Variants in EYS observed in about 807,000 individuals in gnomAD.
EYS encodes the protein protein eyes shut homolog.
Under a neutral mutation model 282.1 loss-of-function variants are expected in EYS, and 250 were observed. The observed-to-expected ratio is 0.89, with a 90% CI of 0.80 to 0.98. The LOEUF (loss-of-function observed/expected upper bound fraction) is 0.98. EYS is among the 50% of genes least tolerant of loss of function. The pLI is 0.00. For missense variants in EYS, 4,016 were observed against 3,709.0 expected, an observed-to-expected ratio of 1.08 and a Z score of -2.15; for synonymous variants, 1,355 against 1,282.9, an observed-to-expected ratio of 1.06 and a Z score of -1.20.
chr6:64,187,926 T>C (rs1162127193), intron 31 of EYS, among the ~76,000 whole-genome samples: 1 of 152,082 alleles, frequency 6.6e-6, no homozygotes, highest in Non-Finnish European at 1.5e-5. Context: ...GGAGTTAGCA[T>C]CTTCAAAATT....
intron 24 of EYS, among the ~76,000 whole-genome samples, chr6:64,604,025 A>G (rs987143834): frequency 6.6e-5 from 10 of 151,806 alleles, no homozygotes; most frequent in African/African-American, 2.4e-4. Flanking sequence ...CATTCCCCTA[A>G]TCTGCATTAT....
chr6:65,515,854 A>G (rs1018884460), intron 2 of EYS, among the ~76,000 whole-genome samples: 5 of 150,850 alleles, frequency 3.3e-5, no homozygotes, highest in African/African-American at 1.2e-4. Flanking sequence ...TGACGAGTTA[A>G]CGGGTGCAGC....
intron 12 of EYS, among the ~76,000 whole-genome samples, chr6:65,248,087 G>GA (rs998156465): frequency 2.0e-5 from 3 of 151,590 alleles, no homozygotes; most frequent in African/African-American, 7.3e-5. Flanking sequence ...ATTGTTGTTG[G>GA]TTTTTTTTCC....
At chr6:65,660,052 T>A (rs935750549) in intron 1 of EYS, among the ~76,000 whole-genome samples, 2 of 151,370 alleles carry the variant, frequency 1.3e-5, no homozygotes, top group African/African-American at 4.8e-5. Context: ...TGACAGGGTA[T>A]AGTGCAAAAT....
At chr6:64,791,050 C>T (rs1774175377) in intron 22 of EYS, among the ~76,000 whole-genome samples, 1 of 151,838 alleles carries the variant, frequency 6.6e-6, no homozygotes, top group African/African-American at 2.4e-5. Flanking sequence ...TTTCTTTCTT[C>T]CTTCCTGTAG....
chr6:64,064,944 T>A (rs1771312518), intron 33 of EYS, among the ~76,000 whole-genome samples: 1 of 152,202 alleles, frequency 6.6e-6, no homozygotes. Context: ...AGGAGTTTGT[T>A]TTGTCTGTAT....
chr6:64,341,717 C>T (rs1351185545), intron 29 of EYS, among the ~76,000 whole-genome samples: 1 of 151,636 alleles, frequency 6.6e-6, no homozygotes, highest in East Asian at 1.9e-4. Flanking sequence ...CCAACTACTC[C>T]CACTATCCAA....
chr6:63,760,329 T>C (rs905731190), intron 41 of EYS, among the ~76,000 whole-genome samples: 1 of 152,036 alleles, frequency 6.6e-6, no homozygotes, highest in Admixed American at 6.6e-5. Context: ...ACAGGAAAGA[T>C]AGCTATAACA....
intron 2 of EYS, among the ~76,000 whole-genome samples, chr6:65,529,259 TG>T (rs1256063156): frequency 6.6e-6 from 1 of 152,200 alleles, no homozygotes; most frequent in African/African-American, 2.4e-5. Context: ...TATGATGTTC[TG>T]GCTTTTGGAT....
intron 14 of EYS, among the ~76,000 whole-genome samples, chr6:64,960,126 T>A (rs1252850210): frequency 6.6e-6 from 1 of 152,092 alleles, no homozygotes; most frequent in Non-Finnish European, 1.5e-5. Flanking sequence ...TAAGGCTAAG[T>A]TTGACTTGTG....
intron 5 of EYS, among the ~76,000 whole-genome samples, chr6:65,445,384 A>G (rs1424255647): frequency 1.3e-5 from 2 of 151,898 alleles, no homozygotes; most frequent in Non-Finnish European, 1.5e-5. Context: ...ACTAAACTAT[A>G]AAGTTCTCCT....
At chr6:64,593,079 A>G (rs1766461061) in intron 25 of EYS, 38 bp downstream of exon 25, 2 of 1,410,710 alleles carry the variant, frequency 1.4e-6, no homozygotes, top group Non-Finnish European at 1.9e-6. Flanking sequence ...AACTTTTTCA[A>G]ACTCAAACTT....
chr6:63,936,939 G>C (rs1765076316), intron 35 of EYS, among the ~76,000 whole-genome samples: 1 of 152,190 alleles, frequency 6.6e-6, no homozygotes, highest in Non-Finnish European at 1.5e-5. Flanking sequence ...GCTAGCCGTG[G>C]TGTGATAAGG....
intron 29 of EYS, among the ~76,000 whole-genome samples, chr6:64,352,111 C>A (rs1748250969): frequency 1.3e-5 from 2 of 151,482 alleles, no homozygotes; most frequent in Admixed American, 1.3e-4. Flanking sequence ...CACCACTACC[C>A]ATTCTAATCT....
At chr6:64,112,132 T>G (rs926534952) in intron 31 of EYS, among the ~76,000 whole-genome samples, 4 of 152,118 alleles carry the variant, frequency 2.6e-5, no homozygotes, top group Admixed American at 2.6e-4. Context: ...TAATCCAAAT[T>G]ACTAATGAAA....
At chr6:65,431,918 A>G (rs1767903223) in intron 5 of EYS, among the ~76,000 whole-genome samples, 1 of 152,168 alleles carries the variant, frequency 6.6e-6, no homozygotes, top group Admixed American at 6.5e-5. Flanking sequence ...CAAGGCTTGT[A>G]TTTGACAATG....
chr6:64,306,660 T>C (rs1769456477), intron 30 of EYS, among the ~76,000 whole-genome samples: 1 of 152,168 alleles, frequency 6.6e-6, no homozygotes, highest in Non-Finnish European at 1.5e-5. Flanking sequence ...CAGGCATGCT[T>C]GTCAGCATGC....
intron 31 of EYS, among the ~76,000 whole-genome samples, chr6:64,120,469 C>A (rs1021867765): frequency 2.7e-5 from 4 of 148,904 alleles, no homozygotes; most frequent in African/African-American, 9.9e-5. Flanking sequence ...CCTATTCAAA[C>A]TACTTTCTAA....
At chr6:64,722,346 C>T (rs1391922090) in intron 22 of EYS, among the ~76,000 whole-genome samples, 1 of 151,940 alleles carries the variant, frequency 6.6e-6, no homozygotes, top group African/African-American at 2.4e-5. Context: ...AATGTGTGCT[C>T]AGCTGATACA....
Sources: allele counts gnomAD v4.1 joint callset (sites outside exome capture counted in the v4.1 genomes callset), GRCh38; gene constraint gnomAD v4.1.1; transcripts MANE v1.5; gene names NCBI Gene and HGNC (gene_info 2026-07-23, HGNC 2026-07-21).